GRIP1: variants seen among roughly 807,000 people sequenced by gnomAD.
GRIP1 encodes glutamate receptor-interacting protein 1.
In GRIP1, 45 loss-of-function variants were observed where a neutral mutation model predicts 129.9. The observed-to-expected ratio is 0.35, with a 90% CI of 0.27 to 0.44. GRIP1 has a LOEUF of 0.44. Among genes scored for constraint, GRIP1 ranks in the 20% least tolerant of loss-of-function variants. The pLI, the probability that GRIP1 is intolerant of heterozygous loss-of-function variation, is 1.00. For missense variants in GRIP1, 1,196 were observed against 1,396.8 expected (o/e 0.86, Z 2.29); for synonymous variants, 530 against 520.8 (o/e 1.02, Z -0.24).
chr12:66,555,151 C>T (rs1241823333), intron 2 of GRIP1, among the ~76,000 whole-genome samples: 1 of 152,214 alleles, frequency 6.6e-6, no homozygotes, highest in Non-Finnish European at 1.5e-5. Flanking sequence ...GTGATAGTGG[C>T]CACAGGGGTG....
intron 1 of GRIP1, among the ~76,000 whole-genome samples, chr12:66,989,380 C>G (rs2042361279): frequency 6.6e-6 from 1 of 152,182 alleles, no homozygotes; most frequent in South Asian, 2.1e-4. Flanking sequence ...TGAAAAGCGT[C>G]AAATTTGGGA....
At chr12:66,372,099 CTT>C in intron 22 of GRIP1, 172 bp from the exon 23 acceptor site, 1 of 650,258 alleles carries the variant, frequency 1.5e-6, no homozygotes, top group South Asian at 1.7e-5. Flanking sequence ...CTGGAAAATG[CTT>C]TGCAAGTGAC....
chr12:66,375,660 T>C (rs1033079744), intron 22 of GRIP1, among the ~76,000 whole-genome samples: 1 of 152,214 alleles, frequency 6.6e-6, no homozygotes, highest in African/African-American at 2.4e-5. Context: ...AAGGGCCACA[T>C]CTGTCTGGAG....
At chr12:66,368,911 G>A (rs1283656775) in intron 23 of GRIP1, among the ~76,000 whole-genome samples, 1 of 152,142 alleles carries the variant, frequency 6.6e-6, no homozygotes, top group Non-Finnish European at 1.5e-5. Flanking sequence ...ATCCTGGATG[G>A]TCTATCAGAG....
chr12:66,758,975 A>G (rs868674903), intron 1 of GRIP1, among the ~76,000 whole-genome samples: 1 of 152,078 alleles, frequency 6.6e-6, no homozygotes, highest in Non-Finnish European at 1.5e-5. Context: ...CTGTCAGTGG[A>G]TCTATCGTTC....
chr12:66,884,559 T>C (rs1017380443), intron 1 of GRIP1, among the ~76,000 whole-genome samples: 7 of 152,010 alleles, frequency 4.6e-5, no homozygotes, highest in African/African-American at 7.3e-5. Flanking sequence ...CTGACACCAA[T>C]TGGAAATGAA....
intron 1 of GRIP1, among the ~76,000 whole-genome samples, chr12:66,723,892 G>T (rs984063065): frequency 2.0e-5 from 3 of 152,124 alleles, no homozygotes; most frequent in African/African-American, 7.2e-5. Flanking sequence ...AATGAAACAG[G>T]TATTTCTTTG....
chr12:66,508,146 G>C (rs764400120), intron 7 of GRIP1, among the ~76,000 whole-genome samples: 2 of 152,170 alleles, frequency 1.3e-5, no homozygotes, highest in Non-Finnish European at 2.9e-5. Flanking sequence ...CGATGTCATT[G>C]TGCAATGTAA....
At chr12:66,614,454 C>G (rs1592649637) in intron 1 of GRIP1, among the ~76,000 whole-genome samples, 2 of 152,074 alleles carry the variant, frequency 1.3e-5, no homozygotes, top group South Asian at 4.1e-4. Flanking sequence ...TGCCCTAAGC[C>G]CATATGCAAG....
At chr12:66,528,244 C>G (rs1419587247) in intron 5 of GRIP1, among the ~76,000 whole-genome samples, 12 of 150,318 alleles carry the variant, frequency 8.0e-5, no homozygotes, top group Non-Finnish European at 1.6e-4. Context: ...ACACCATTCT[C>G]CTGCCTCAGC....
chr12:66,662,813 G>A (rs564642447), intron 1 of GRIP1, among the ~76,000 whole-genome samples: 20 of 152,162 alleles, frequency 1.3e-4, no homozygotes, highest in African/African-American at 4.3e-4. Flanking sequence ...TTCCACTGTC[G>A]ATTACTGCTC....
chr12:66,805,184 A>C (rs961364924), upstream of GRIP1, among the ~76,000 whole-genome samples: 1 of 152,228 alleles, frequency 6.6e-6, no homozygotes, highest in Non-Finnish European at 1.5e-5. Context: ...AAATGGGCTA[A>C]ACAGCAAACA....
intron 14 of GRIP1, among the ~76,000 whole-genome samples, chr12:66,427,321 G>C (rs574664543): frequency 2.6e-5 from 4 of 152,046 alleles, no homozygotes; most frequent in Non-Finnish European, 5.9e-5. Flanking sequence ...TGTAGGGTGG[G>C]AGAAGAAGTA....
At chr12:66,577,300 A>T (rs1268985783) in intron 2 of GRIP1, among the ~76,000 whole-genome samples, 2 of 152,226 alleles carry the variant, frequency 1.3e-5, no homozygotes, top group Non-Finnish European at 2.9e-5. Flanking sequence ...AATGCTCAAC[A>T]GAGATGTAAA....
chr12:66,808,605 G>GTT (rs11399646), upstream of GRIP1, among the ~76,000 whole-genome samples: 10 of 150,990 alleles, frequency 6.6e-5, no homozygotes, highest in South Asian at 2.1e-4. Flanking sequence ...GTTTTGTTTT[G>GTT]TTTTTTTTTA....
chr12:67,052,203 T>C (rs2043357624), intron 1 of GRIP1, among the ~76,000 whole-genome samples: 1 of 152,188 alleles, frequency 6.6e-6, no homozygotes, highest in African/African-American at 2.4e-5. Context: ...TGTTACCAAA[T>C]ATTTATTTTA....
chr12:67,019,145 A>C (rs978594339), intron 1 of GRIP1, among the ~76,000 whole-genome samples: 33 of 152,186 alleles, frequency 2.2e-4, no homozygotes, highest in African/African-American at 7.7e-4. Flanking sequence ...AATGACTGCC[A>C]AAACGATCAT....
intron 1 of GRIP1, among the ~76,000 whole-genome samples, chr12:66,735,909 A>C (rs67296013): frequency 0.15 from 22,298 of 152,068 alleles, 1,747 homozygotes; most frequent in Non-Finnish European, 0.16. Flanking sequence ...CCACTCCCCC[A>C]TGACTAGTGG....
chr12:66,801,003 T>C (rs1393997731), intron 1 of GRIP1, among the ~76,000 whole-genome samples: 3 of 152,098 alleles, frequency 2.0e-5, no homozygotes, highest in Non-Finnish European at 2.9e-5. Flanking sequence ...AGCATTCCTG[T>C]CAGAAAAACA....
Sources: gnomAD v4.1 joint callset for allele counts (sites outside exome capture counted in the v4.1 genomes callset) on GRCh38, gnomAD v4.1.1 for gene constraint, MANE v1.5 for transcripts, NCBI Gene and HGNC (gene_info 2026-07-23, HGNC 2026-07-21) for gene names.